FSTL5: variants seen among roughly 807,000 people sequenced by gnomAD.
FSTL5 encodes the protein follistatin-related protein 5.
In FSTL5, 62 loss-of-function variants were observed where a neutral mutation model predicts 89.1. The observed-to-expected ratio is 0.70, with a 90% CI of 0.57 to 0.86. FSTL5 has a LOEUF of 0.86. Ranked by LOEUF, FSTL5 falls within the 40% of genes least tolerant of loss-of-function variation. FSTL5 has a pLI of 0.00. For synonymous variants in FSTL5, 383 were observed against 346.2 expected (o/e 1.11, Z -1.18); for missense variants, 1,057 against 1,001.6 (o/e 1.06, Z -0.75).
rs556425282 is a variant in FSTL5, at chr4:161,630,125, C to G, written c.894+26203G>C. Among the ~76,000 whole-genome samples the G allele has an allele frequency of 3.9e-5, 6 of 152,318 alleles. No individual in the cohort carries two copies. The East Asian group carries it at 1.2e-3, about 29-fold the overall frequency. ...TAGCCCTTACTCCTTCTTCCCCTCC[C>G]CTTCCTGCCCCTCCGTTCCAGGTCC... On this transcript the variant is annotated intron_variant, in intron 7 of 15. Coordinates refer to ENST00000306100, the MANE Select transcript of FSTL5 (RefSeq NM_020116.5).
chr4:162,097,722 A>C (rs888891159), intron 2 of FSTL5, among the ~76,000 whole-genome samples: 4 of 151,916 alleles, frequency 2.6e-5, no homozygotes, highest in African/African-American at 7.2e-5. Context: ...AAAAAAGCTC[A>C]AAGTCACTAG....
Position 161,579,340 on chromosome 4 carries a change from A to C in FSTL5, c.1015+8115T>G, listed in dbSNP as rs148991245. Among the ~76,000 whole-genome samples the C allele has an allele frequency of 4.8e-3, 725 of 152,286 alleles. 1 individual carries two copies. The highest frequency in any genetic ancestry group is 0.016 in the African/African-American group (665 of 41,572). ...AAAAATTTTAAAAAAAGATATAACTAATAAGTCAGTAGTAGAGATAAAATG... is the reference window on the plus strand; with the variant it reads ...AAAAATTTTAAAAAAAGATATAACTCATAAGTCAGTAGTAGAGATAAAATG... On this transcript the variant is annotated intron_variant, in intron 8 of 15. Coordinates refer to ENST00000306100, the MANE Select transcript of FSTL5 (RefSeq NM_020116.5).
At chr4:161,860,458 T>G (rs943390271) in intron 4 of FSTL5, among the ~76,000 whole-genome samples, 5 of 152,172 alleles carry the variant, frequency 3.3e-5, no homozygotes, top group African/African-American at 1.2e-4. Flanking sequence ...AATTCAAAGG[T>G]AATAGGTCAG....
chr4:161,945,870 A>C (rs1040739383), intron 3 of FSTL5, among the ~76,000 whole-genome samples: 4 of 152,196 alleles, frequency 2.6e-5, no homozygotes, highest in African/African-American at 9.7e-5. Context: ...CTATACATTT[A>C]TATGTATATG....
intron 1 of FSTL5, among the ~76,000 whole-genome samples, 175 bp from the exon 2 acceptor site, chr4:162,111,587 A>G (rs1014232079): frequency 1.3e-5 from 2 of 152,170 alleles, no homozygotes; most frequent in African/African-American, 4.8e-5. Context: ...TCCTTTGATC[A>G]TAACAAATAC....
At chr4:161,600,541 T>A (rs951708592) in intron 7 of FSTL5, among the ~76,000 whole-genome samples, 2 of 152,134 alleles carry the variant, frequency 1.3e-5, no homozygotes, top group African/African-American at 2.4e-5. Flanking sequence ...AAGCTTTACA[T>A]AAGTATCTCA....
At chr4:161,996,425 T>G (rs868481832) in intron 3 of FSTL5, among the ~76,000 whole-genome samples, 1 of 152,162 alleles carries the variant, frequency 6.6e-6, no homozygotes, top group Non-Finnish European at 1.5e-5. Context: ...TCACCATCAG[T>G]TCTAACTCCT....
Position 161,802,264 on chromosome 4 carries a change from G to T in FSTL5, c.410-26190C>A, listed in dbSNP as rs148149372. 4.8e-3 allele frequency among the ~76,000 whole-genome samples: 729 copies of T among 151,796 alleles called. 4 individuals are homozygous for T. The highest frequency in any genetic ancestry group is 0.017 in the African/African-American group (694 of 41,496). On this transcript the variant is annotated intron_variant, in intron 4 of 15. Transcript: ENST00000306100. ...AATTAACTATCTCCTATAATAGTTA[G>T]TTCTGGGACTTTGATTATAACCACT...
At chr4:161,613,343 G>C (rs536510138) in intron 7 of FSTL5, among the ~76,000 whole-genome samples, 32 of 152,044 alleles carry the variant, frequency 2.1e-4, no homozygotes, top group Non-Finnish European at 4.3e-4. Flanking sequence ...CACAGCTCTC[G>C]GGAGGCTGAT....
intron 15 of FSTL5, among the ~76,000 whole-genome samples, chr4:161,401,277 A>G (rs1207996655): frequency 6.6e-6 from 1 of 152,178 alleles, no homozygotes; most frequent in East Asian, 1.9e-4. Flanking sequence ...AATTAACACA[A>G]TGATGCTATA....
intron 10 of FSTL5, among the ~76,000 whole-genome samples, chr4:161,521,664 C>T (rs375030589): frequency 4.0e-5 from 6 of 151,502 alleles, no homozygotes; most frequent in African/African-American, 9.7e-5. Flanking sequence ...CTGGCTAACA[C>T]GGTGAAACCC....
intron 3 of FSTL5, among the ~76,000 whole-genome samples, chr4:162,024,077 T>C (rs887357790): frequency 5.9e-5 from 9 of 152,138 alleles, no homozygotes; most frequent in African/African-American, 2.2e-4. Context: ...AGCATGCCAT[T>C]TGGTGTTTGA....
chr4:161,471,726 A>T (rs1458601975), intron 13 of FSTL5, among the ~76,000 whole-genome samples: 1 of 152,170 alleles, frequency 6.6e-6, no homozygotes. Flanking sequence ...CAATTTTCCT[A>T]GCATTTGTAA....
chr4:161,966,452 A>C (rs1735329584), intron 3 of FSTL5, among the ~76,000 whole-genome samples: 1 of 152,144 alleles, frequency 6.6e-6, no homozygotes, highest in South Asian at 2.1e-4. Flanking sequence ...TCAAATGTGA[A>C]GTATACAAAA....
At chr4:161,664,039 C>T (rs779480897) in intron 6 of FSTL5, among the ~76,000 whole-genome samples, 1 of 152,208 alleles carries the variant, frequency 6.6e-6, no homozygotes, top group Non-Finnish European at 1.5e-5. Flanking sequence ...GCAACAAGTC[C>T]CTAGGCTGCT....
rs910552482 is a variant in FSTL5 at position 161,578,287 on chromosome 4, G to A, written c.1015+9168C>T. 7.9e-5 allele frequency among the ~76,000 whole-genome samples: 12 copies of A among 152,052 alleles called. No individual in the cohort carries two copies. The South Asian group carries it at 1.0e-3, about 13-fold the overall frequency. ...TTATTTTTTAAATAGAATTTATGTC[G>A]TTGAAAAATATAATATCTAAAATAA... On this transcript the variant is annotated intron_variant, in intron 8 of 15. Coordinates refer to ENST00000306100, the MANE Select transcript of FSTL5 (RefSeq NM_020116.5).
intron 2 of FSTL5, among the ~76,000 whole-genome samples, chr4:162,089,818 T>G (rs1730472767): frequency 6.6e-6 from 1 of 152,090 alleles, no homozygotes. Flanking sequence ...TGATAAAAAT[T>G]TGCTTCTTTA....
intron 4 of FSTL5, among the ~76,000 whole-genome samples, chr4:161,874,581 T>TTTTTA: frequency 6.7e-6 from 1 of 150,228 alleles, no homozygotes; most frequent in South Asian, 2.1e-4. Flanking sequence ...TTTTTTTTTT[T>TTTTTA]ACTTTCTTAC....
chr4:161,753,011 T>C (rs1740452265), intron 6 of FSTL5, among the ~76,000 whole-genome samples: 1 of 152,084 alleles, frequency 6.6e-6, no homozygotes, highest in Non-Finnish European at 1.5e-5. Flanking sequence ...AGAAATAAAT[T>C]TCCATTGTTG....
Sources: gnomAD v4.1 joint callset for allele counts (sites outside exome capture counted in the v4.1 genomes callset) on GRCh38, gnomAD v4.1.1 for gene constraint, MANE v1.5 for transcripts, NCBI Gene and HGNC (gene_info 2026-07-23, HGNC 2026-07-21) for gene names.